The following SRGAP3 variants were observed in gnomAD, a reference collection of about 807,000 sequenced individuals.
SRGAP3 encodes the protein SLIT-ROBO Rho GTPase-activating protein 3.
Under a neutral mutation model 121.1 loss-of-function variants are expected in SRGAP3, and 39 were observed. The observed-to-expected ratio is 0.32, with a 90% CI of 0.25 to 0.42. SRGAP3 has a LOEUF of 0.42. Among genes scored for constraint, SRGAP3 ranks in the 10% least tolerant of loss-of-function variants. The pLI, the probability that SRGAP3 is intolerant of heterozygous loss-of-function variation, is 1.00. For missense variants in SRGAP3, 1,213 were observed against 1,470.6 expected, an observed-to-expected ratio of 0.82 and a Z score of 2.86; for synonymous variants, 601 against 570.0, an observed-to-expected ratio of 1.05 and a Z score of -0.77.
intron 1 of SRGAP3, among the ~76,000 whole-genome samples, chr3:9,191,142 G>GGGAGAA (rs1242856024): frequency 4.2e-4 from 64 of 152,266 alleles, no homozygotes; most frequent in Non-Finnish European, 1.9e-4. Flanking sequence ...GAGCATAGGT[G>GGGAGAA]TGGAGTCGCC....
chr3:9,042,138 G>A (rs1945045291), intron 10 of SRGAP3, among the ~76,000 whole-genome samples: 1 of 151,360 alleles, frequency 6.6e-6, no homozygotes, highest in African/African-American at 2.4e-5. Flanking sequence ...AGAAATAAGT[G>A]AGATTAATTT....
At chr3:9,173,364 C>T (rs193022670) in intron 1 of SRGAP3, among the ~76,000 whole-genome samples, 2 of 152,340 alleles carry the variant, frequency 1.3e-5, no homozygotes, top group African/African-American at 2.4e-5. Context: ...GAAAGCACTA[C>T]CCTCCTTCAG....
chr3:9,203,319 G>C (rs1250873425), intron 1 of SRGAP3, among the ~76,000 whole-genome samples: 2 of 152,172 alleles, frequency 1.3e-5, no homozygotes, highest in African/African-American at 4.8e-5. Flanking sequence ...CTGCCACTTA[G>C]GTGCTGGGCA....
chr3:9,323,002 C>T lies in SRGAP3; in HGVS notation n.442+3008G>A, dbSNP rs575843376. Among the ~76,000 whole-genome samples the T allele has an allele frequency of 3.9e-5, 6 of 151,974 alleles. No individual in the cohort carries two copies. The South Asian group carries it at 6.2e-4, about 16-fold the overall frequency. ...TGACTCAGCAACAAAAAAGACCTAA[C>T]TATTCATACATATAACACAGATATG... is the stretch of plus-strand genomic sequence containing the variant. On this transcript the variant is annotated intron_variant and non_coding_transcript_variant, in intron 3 of 3. Coordinates refer to the SRGAP3 transcript ENST00000490889.
chr3:9,244,824 A>C (rs1953765872), intron 1 of SRGAP3, among the ~76,000 whole-genome samples: 1 of 152,236 alleles, frequency 6.6e-6, no homozygotes, highest in South Asian at 2.1e-4. Flanking sequence ...TGGCACCAGC[A>C]TGGGGTCACC....
chr3:9,326,520 A>C (rs1955521830), intron 2 of SRGAP3, among the ~76,000 whole-genome samples: 1 of 151,776 alleles, frequency 6.6e-6, no homozygotes, highest in Non-Finnish European at 1.5e-5. Context: ...CAGAACCTTT[A>C]ATAACAAAAG....
intron 4 of SRGAP3, among the ~76,000 whole-genome samples, chr3:9,074,657 G>A (rs1946873027): frequency 6.6e-6 from 1 of 152,192 alleles, no homozygotes; most frequent in Admixed American, 6.5e-5. Flanking sequence ...CAGGCTCCTG[G>A]GCTCCCAGTC....
rs933431754 is a variant in SRGAP3 at position 8,985,562 on chromosome 3, T to A, written c.3257A>T (p.Lys1086Met). Residue 1086 changes from lysine to methionine, a missense_variant, in exon 22 of 22, where the codon AAG becomes ATG. By Grantham distance (95) the Lys-to-Met change is moderately conservative. Transcript: ENST00000383836. The surrounding 1 kb of genome is among the most constrained non-coding windows in gnomAD (Gnocchi z 5.1). ...VGSPAVTPTE[K>M]MFPNSSADKS... The stretch of plus-strand genomic sequence containing the variant: ...GTCCGCTGAGCTGTTGGGGAACATC[T>A]TCTCGGTGGGCGTCACGGCCGGGCT... 15 of 1,598,488 alleles carry A rather than the reference T, an allele frequency of 9.4e-6. No homozygotes were observed. Among genetic ancestry groups the A allele is most frequent in the African/African-American group, 1.3e-5 (1 of 74,816 alleles).
intron 4 of SRGAP3, among the ~76,000 whole-genome samples, chr3:9,079,725 C>T (rs1292257329): frequency 1.3e-5 from 2 of 152,166 alleles, no homozygotes; most frequent in Non-Finnish European, 2.9e-5. Flanking sequence ...CTCACACTCC[C>T]CCGGCCTTGA....
chr3:9,169,387 G>C (rs1232812077), intron 1 of SRGAP3, among the ~76,000 whole-genome samples: 4 of 152,186 alleles, frequency 2.6e-5, no homozygotes, highest in African/African-American at 9.7e-5. Flanking sequence ...AGCAGGACAT[G>C]AGTGAGAAAA....
At chr3:9,235,503 C>CTTTTTTTT (rs397877508) in intron 1 of SRGAP3, 4 of 133,692 alleles carry the variant, frequency 3.0e-5, no homozygotes, top group Admixed American at 7.6e-5. Flanking sequence ...TTTTCTTTTT[C>CTTTTTTTT]TTTTTTTTTT....
intron 1 of SRGAP3, among the ~76,000 whole-genome samples, chr3:9,205,301 T>G (rs1403340700): frequency 6.6e-6 from 1 of 152,216 alleles, no homozygotes; most frequent in African/African-American, 2.4e-5. Flanking sequence ...TATAAAAAAT[T>G]ATTAACAAGA....
chr3:9,352,907 G>C (rs1279443819), intron 1 of SRGAP3, among the ~76,000 whole-genome samples: 1 of 152,222 alleles, frequency 6.6e-6, no homozygotes, highest in Admixed American at 6.5e-5. Flanking sequence ...GATTTCTGTT[G>C]TTGTTCCCTG....
At chr3:9,245,719 T>A (rs1490266594) in intron 1 of SRGAP3, among the ~76,000 whole-genome samples, 2 of 151,384 alleles carry the variant, frequency 1.3e-5, no homozygotes, top group Non-Finnish European at 2.9e-5. Context: ...AAGCTAGGAG[T>A]TTGAGATCAG....
chr3:8,998,757 G>A (rs145460301), intron 18 of SRGAP3, among the ~76,000 whole-genome samples: 245 of 152,162 alleles, frequency 1.6e-3, no homozygotes, highest in Non-Finnish European at 2.7e-3. Context: ...TTTATTGCTT[G>A]CATGAACAAA....
intron 3 of SRGAP3, among the ~76,000 whole-genome samples, chr3:9,304,067 C>T (rs1422721719): frequency 6.6e-6 from 1 of 152,162 alleles, no homozygotes; most frequent in Non-Finnish European, 1.5e-5. Flanking sequence ...TGTCCAGGGT[C>T]GCACTGCTGC....
Position 9,138,112 on chromosome 3 carries a change from G to C in SRGAP3, c.68-13195C>G, listed in dbSNP as rs571591873. ...CTTTCCTCCCAGAGCTAAAATAGAA[G>C]TCAGAGAACTGGGGGCCTGCTGGAA... On this transcript the variant is annotated intron_variant, in intron 1 of 21. Transcript: ENST00000383836. Among the ~76,000 whole-genome samples, 60 of 152,320 alleles carry C rather than the reference G, an allele frequency of 3.9e-4. 1 individual carries two copies. The Middle Eastern group carries it at 0.01, about 26-fold the overall frequency.
intron 3 of SRGAP3, among the ~76,000 whole-genome samples, chr3:9,300,025 T>C (rs1046481514): frequency 1.3e-5 from 2 of 151,146 alleles, no homozygotes; most frequent in African/African-American, 2.4e-5. Flanking sequence ...TTCCCATATG[T>C]AAACTGAGGT....
chr3:9,079,040 G>A (rs1039604922), intron 4 of SRGAP3, among the ~76,000 whole-genome samples: 9 of 152,214 alleles, frequency 5.9e-5, no homozygotes, highest in Admixed American at 4.6e-4. Context: ...CCACCTGCTG[G>A]CCACACAGGA....
Sources: gnomAD v4.1 joint callset for allele counts (sites outside exome capture counted in the v4.1 genomes callset) on GRCh38, gnomAD v4.1.1 for gene constraint, Gnocchi (gnomAD v3.1) non-coding constraint, MANE v1.5 for transcripts, NCBI Gene and HGNC (gene_info 2026-07-23, HGNC 2026-07-21) for gene names.